The following HSD17B2 variants were observed in gnomAD, a reference collection of about 807,000 sequenced individuals.
HSD17B2 encodes the protein hydroxysteroid 17-beta dehydrogenase 2.
Under a neutral mutation model 26.9 loss-of-function variants are expected in HSD17B2, and 32 were observed. The ratio of observed to expected loss-of-function variants is 1.19; its 90% CI spans 0.90 to 1.60. The LOEUF (loss-of-function observed/expected upper bound fraction) is 1.60, where lower values mean the gene tolerates loss of function less well. Ranked by LOEUF, HSD17B2 falls within the 40% of genes most tolerant of loss-of-function variation. HSD17B2 has a pLI of 0.00. For missense variants in HSD17B2, 613 were observed against 468.6 expected, an observed-to-expected ratio of 1.31 and a Z score of -2.85; for synonymous variants, 246 against 186.7, an observed-to-expected ratio of 1.32 and a Z score of -2.59.
intron 1 of HSD17B2, among the ~76,000 whole-genome samples, chr16:82,063,938 G>C (rs923302861): frequency 1.3e-5 from 2 of 152,164 alleles, no homozygotes; most frequent in African/African-American, 2.4e-5. Context: ...GGAGGCTCTG[G>C]GTCTGGCCTT....
chr16:82,096,104 A>G (rs971844968), intron 4 of HSD17B2: 2 of 152,140 alleles, frequency 1.3e-5, no homozygotes, highest in Admixed American at 6.5e-5. Context: ...ACTTAATTGC[A>G]TGTAGTTTGT....
At chr16:82,070,905 T>C (rs751825809) in intron 2 of HSD17B2, 37 bp from the exon 3 acceptor site, 52 of 1,583,694 alleles carry the variant, frequency 3.3e-5, no homozygotes, top group Non-Finnish European at 4.3e-5. Context: ...TCACTTCCTC[T>C]TCCAGACACT....
intron 1 of HSD17B2, among the ~76,000 whole-genome samples, chr16:82,036,234 A>T (rs1415274539): frequency 6.6e-6 from 1 of 151,700 alleles, no homozygotes; most frequent in Non-Finnish European, 1.5e-5. Context: ...TCCTCATTAG[A>T]CCTCTAATGT....
intron 1 of HSD17B2, among the ~76,000 whole-genome samples, chr16:82,060,206 G>A (rs898348499): frequency 3.3e-5 from 5 of 152,156 alleles, no homozygotes; most frequent in African/African-American, 1.2e-4. Flanking sequence ...CTAAAGGGTG[G>A]GGAAAGTCCA....
At chr16:82,095,665 G>A (rs1904818608) in intron 4 of HSD17B2, 1 of 152,204 alleles carries the variant, frequency 6.6e-6, no homozygotes, top group African/African-American at 2.4e-5. Flanking sequence ...GAAACCTATA[G>A]GAACAACTGG....
At chr16:82,050,181 A>G (rs901071369) in intron 1 of HSD17B2, among the ~76,000 whole-genome samples, 1 of 152,214 alleles carries the variant, frequency 6.6e-6, no homozygotes, top group Non-Finnish European at 1.5e-5. Flanking sequence ...CTTGCGCTTT[A>G]TATGCTTGAA....
At chr16:82,058,205 G>A (rs1676318002) in intron 1 of HSD17B2, among the ~76,000 whole-genome samples, 1 of 151,938 alleles carries the variant, frequency 6.6e-6, no homozygotes, top group African/African-American at 2.4e-5. Context: ...TGAGTAGCTG[G>A]GGCCAGGGGC....
chr16:82,097,200 C>T (rs1904864360), intron 4 of HSD17B2: 1 of 148,794 alleles, frequency 6.7e-6, no homozygotes, highest in African/African-American at 2.5e-5. Context: ...AGCTAAATTT[C>T]TGTGTATATG....
At chr16:82,039,272 C>CAG (rs397771391) in intron 1 of HSD17B2, among the ~76,000 whole-genome samples, 1 of 151,256 alleles carries the variant, frequency 6.6e-6, no homozygotes, top group Non-Finnish European at 1.5e-5. Context: ...CACACACACA[C>CAG]GCACAAACAC....
At chr16:82,061,068 G>T (rs1914425316) in intron 1 of HSD17B2, among the ~76,000 whole-genome samples, 2 of 152,092 alleles carry the variant, frequency 1.3e-5, no homozygotes, top group African/African-American at 2.4e-5. Context: ...AGACCAGCCT[G>T]GCCAAGATGG....
intron 3 of HSD17B2, chr16:82,071,367 T>C: frequency 3.6e-6 from 2 of 559,738 alleles, no homozygotes; most frequent in South Asian, 4.0e-5. Context: ...GATTTAGGGT[T>C]CTTATATGTC....
At chr16:82,054,208 GAAA>G (rs74264895) in intron 1 of HSD17B2, among the ~76,000 whole-genome samples, 3 of 85,708 alleles carry the variant, frequency 3.5e-5, no homozygotes, top group African/African-American at 7.6e-5. Context: ...CCCACATATC[GAAA>G]AAAAAAAAAA....
chr16:82,036,269 C>T (rs1166114059), intron 1 of HSD17B2, among the ~76,000 whole-genome samples: 2 of 151,516 alleles, frequency 1.3e-5, no homozygotes, highest in Non-Finnish European at 2.9e-5. Context: ...AACTTGGCAT[C>T]GTGTCCAACA....
intron 1 of HSD17B2, among the ~76,000 whole-genome samples, chr16:82,038,958 T>G (rs1489951875): frequency 1.3e-5 from 2 of 152,132 alleles, no homozygotes; most frequent in Admixed American, 6.5e-5. Context: ...GTCACCCCTG[T>G]TCCCCCTTGG....
intron 1 of HSD17B2, among the ~76,000 whole-genome samples, chr16:82,065,977 C>G (rs1362439669): frequency 6.6e-6 from 1 of 152,202 alleles, no homozygotes; most frequent in Non-Finnish European, 1.5e-5. Flanking sequence ...CAGCACTGGT[C>G]TGCAGTCTGG....
At chr16:82,097,284 G>GTGTGTATATATATATACACATATATA (rs1567595479) in intron 4 of HSD17B2, 4 of 118,304 alleles carry the variant, frequency 3.4e-5, no homozygotes, top group Non-Finnish European at 7.8e-5. Context: ...GTGTATGTGT[G>GTGTGTATATATATATACACATATATA]TGTGTGTGTA....
chr16:82,082,477 A>G (rs1443376009), intron 3 of HSD17B2, among the ~76,000 whole-genome samples: 6 of 152,136 alleles, frequency 3.9e-5, no homozygotes, highest in Non-Finnish European at 5.9e-5. Context: ...GTTCTTTCCA[A>G]CTTTTGACTA....
At chr16:82,081,342 T>C (rs781732993) in intron 3 of HSD17B2, among the ~76,000 whole-genome samples, 23 of 152,126 alleles carry the variant, frequency 1.5e-4, no homozygotes, top group Non-Finnish European at 2.6e-4. Flanking sequence ...TCTTCAACCT[T>C]TCCTCCTTCC....
intron 4 of HSD17B2, chr16:82,095,813 A>G (rs529931831): frequency 5.9e-5 from 9 of 152,256 alleles, no homozygotes; most frequent in African/African-American, 2.2e-4. Context: ...TGGAAAATAT[A>G]AACACCATAG....
Sources: gnomAD v4.1 joint callset for allele counts (sites outside exome capture counted in the v4.1 genomes callset) on GRCh38, gnomAD v4.1.1 for gene constraint, MANE v1.5 for transcripts, NCBI Gene and HGNC (gene_info 2026-07-23, HGNC 2026-07-21) for gene names.